Variants in YEATS2 observed in about 807,000 individuals in gnomAD.
The protein encoded by YEATS2 is YEATS domain containing 2, also known as YEATS domain-containing protein 2.
YEATS2 carries 77 observed loss-of-function variants against 163.2 expected under a neutral mutation model. The observed-to-expected ratio is 0.47, with a 90% confidence interval of 0.39 to 0.57. YEATS2 has a LOEUF of 0.57. Among genes scored for constraint, YEATS2 ranks in the 20% least tolerant of loss-of-function variants. The probability of loss-of-function intolerance (pLI) is 0.00; values close to 1 mark genes in which losing one functional copy is unlikely to be tolerated. For synonymous variants in YEATS2, 631 were observed against 645.1 expected (o/e 0.98, Z 0.33); for missense variants, 1,549 against 1,729.8 (o/e 0.90, Z 1.85).
intron 2 of YEATS2, 136 bp downstream of exon 2, chr3:183,715,398 A>G (rs1715738433): frequency 1.6e-6 from 1 of 640,508 alleles, no homozygotes; most frequent in Non-Finnish European, 2.7e-6. Context: ...TAGCTAAGGG[A>G]TCTGTTTAAT....
chr3:183,745,454 C>A (rs974475332), intron 8 of YEATS2, among the ~76,000 whole-genome samples: 1 of 152,014 alleles, frequency 6.6e-6, no homozygotes, highest in Non-Finnish European at 1.5e-5. Flanking sequence ...TGCCTTGGGC[C>A]GTCTTTCCTT....
At chr3:183,746,126 G>C (rs931722599) in intron 8 of YEATS2, among the ~76,000 whole-genome samples, 1 of 152,062 alleles carries the variant, frequency 6.6e-6, no homozygotes, top group South Asian at 2.1e-4. Flanking sequence ...GCAGTGGGGC[G>C]ATCATGGCTC....
At chr3:183,753,564 A>G (rs1285372346) in intron 10 of YEATS2, among the ~76,000 whole-genome samples, 3 of 152,208 alleles carry the variant, frequency 2.0e-5, no homozygotes, top group Admixed American at 6.5e-5. Context: ...CCTGGCCAAC[A>G]TGGCAAAACC....
chr3:183,809,454 G>T (rs891962248), intron 30 of YEATS2: 8 of 268,996 alleles, frequency 3.0e-5, no homozygotes, highest in African/African-American at 1.5e-4. Context: ...TATTAGCTTT[G>T]CAATTAAAGA....
intron 9 of YEATS2, 126 bp from the exon 10 acceptor site, chr3:183,751,947 A>T: frequency 9.9e-7 from 1 of 1,009,514 alleles, no homozygotes; most frequent in South Asian, 1.5e-5. Flanking sequence ...TTCAGATTGA[A>T]ATTGCCTTTG....
chr3:183,763,632 T>A (rs1335358503), intron 15 of YEATS2, among the ~76,000 whole-genome samples: 2 of 152,118 alleles, frequency 1.3e-5, no homozygotes, highest in Admixed American at 6.5e-5. Context: ...AATGACAAAG[T>A]GTTTAAAGTC....
At position 183,806,880 on chromosome 3, in the gene YEATS2, T is replaced by C; in HGVS notation, c.3799T>C (p.Phe1267Leu). 6.2e-7 allele frequency: 1 copy of C among 1,613,962 alleles called. No individual in the cohort carries two copies. Among genetic ancestry groups the C allele is most frequent in the East Asian group, 2.2e-5 (1 of 44,880 alleles). The change falls in exon 28 of 31, where the codon TTC becomes CTC. Residue 1267 changes from phenylalanine to leucine, a missense_variant. Coordinates refer to ENST00000305135, the MANE Select transcript of YEATS2 (RefSeq NM_018023.5). ...IDSEPECPSS[F>L]SSADNLCRKL... ...CTGTCATTTAGAGTGCCCATCATCATTCTCCTCTGCTGACAACCTCTGCCG... is the reference window on the plus strand; with the variant it reads ...CTGTCATTTAGAGTGCCCATCATCACTCTCCTCTGCTGACAACCTCTGCCG...
Position 183,754,281 on chromosome 3 carries a change from A to G in YEATS2, c.1306A>G (p.Ile436Val), listed in dbSNP as rs1222740725. 2.5e-6 allele frequency: 4 copies of G among 1,614,046 alleles called. No homozygotes were observed. Among genetic ancestry groups the G allele is most frequent in the Non-Finnish European group, 3.4e-6 (4 of 1,180,024 alleles). Residue 436 changes from isoleucine (I) to valine (V), a missense_variant, in exon 11 of 31, where the codon ATT becomes GTT. Ile to Val is a conservative substitution (Grantham distance 29). Coordinates refer to ENST00000305135, the MANE Select transcript of YEATS2 (RefSeq NM_018023.5). ...CCAGCCAATAGCATCAAGCTGCAAAATTGTTCCACAAAGTCAGGTTCCTAA... is the reference window on the plus strand; with the variant it reads ...CCAGCCAATAGCATCAAGCTGCAAAGTTGTTCCACAAAGTCAGGTTCCTAA... ...AFQPIASSCKIVPQSQVPNPE... is the reference protein window; with the variant it reads ...AFQPIASSCKVVPQSQVPNPE...
In YEATS2 at chr3:183,801,571, T is replaced by G. The variant is rs1468167193; in HGVS notation, c.3502+43T>G. On this transcript the variant is annotated intron_variant, in intron 25 of 30. Coordinates refer to ENST00000305135, the MANE Select transcript of YEATS2 (RefSeq NM_018023.5). ...AATATAGGGGTGCATTTTTGAAAGCTGTGAACTTAAGGTATTGAGTCAACT... is the reference window on the plus strand; with the variant it reads ...AATATAGGGGTGCATTTTTGAAAGCGGTGAACTTAAGGTATTGAGTCAACT... The G allele has an allele frequency of 3.4e-6, 5 of 1,478,490 alleles. No homozygotes were observed. The Admixed American group carries it at 9.9e-5, about 29-fold the overall frequency. The allele number at this position is 1,478,490 out of a possible 1,614,324, so 91.6% of individuals were successfully genotyped here.
At chr3:183,773,009 T>C (rs1722638370) in intron 16 of YEATS2, among the ~76,000 whole-genome samples, 1 of 152,170 alleles carries the variant, frequency 6.6e-6, no homozygotes, top group African/African-American at 2.4e-5. Flanking sequence ...GTAATAACAA[T>C]GTATATGCTA....
chr3:183,803,378 C>A, intron 26 of YEATS2, 43 bp downstream of exon 26: 1 of 1,554,170 alleles, frequency 6.4e-7, no homozygotes, highest in Non-Finnish European at 8.8e-7. Flanking sequence ...CTCCAGAAAC[C>A]TTGTCTTATG....
chr3:183,810,256 T>C (rs1726661191), intron 30 of YEATS2: 1 of 483,040 alleles, frequency 2.1e-6, no homozygotes, highest in South Asian at 2.5e-5. Flanking sequence ...TCTCAGAATC[T>C]TTTTTCCTAA....
rs529139934 is a variant in YEATS2, at chr3:183,729,897, C to G, written c.812+1046C>G. Among the ~76,000 whole-genome samples, 3 of 151,750 alleles carry G rather than the reference C, an allele frequency of 2.0e-5. No homozygotes were observed. In the South Asian group the frequency reaches 6.3e-4, roughly 32 times the overall value. ...TAGAGACGGGCTTTCACCATGTTGGCCAGGCTGGTCTCGAACTCCTGACCT... is the reference window on the plus strand; with the variant it reads ...TAGAGACGGGCTTTCACCATGTTGGGCAGGCTGGTCTCGAACTCCTGACCT... On this transcript the variant is annotated intron_variant, in intron 7 of 30. Transcript: ENST00000305135.
At chr3:183,793,022 C>G in intron 21 of YEATS2, 1 of 735,026 alleles carries the variant, frequency 1.4e-6, no homozygotes, top group South Asian at 1.9e-5. Flanking sequence ...TTTCTATAAT[C>G]TGGTATAGAC....
At chr3:183,765,382 G>A (rs894492171) in intron 15 of YEATS2, among the ~76,000 whole-genome samples, 3 of 152,160 alleles carry the variant, frequency 2.0e-5, no homozygotes, top group African/African-American at 7.2e-5. Context: ...CTGAACAACT[G>A]TACTGACTTG....
chr3:183,732,421 C>G (rs1022084993), intron 7 of YEATS2, among the ~76,000 whole-genome samples: 15 of 149,630 alleles, frequency 1.0e-4, no homozygotes, highest in African/African-American at 3.4e-4. Flanking sequence ...CCACTGCACT[C>G]CAGCCTAGGT....
At chr3:183,776,682 G>A (rs1299074546) in intron 18 of YEATS2, among the ~76,000 whole-genome samples, 9 of 152,198 alleles carry the variant, frequency 5.9e-5, no homozygotes, top group East Asian at 1.9e-4. Context: ...AGCCAGGCAC[G>A]GTGGCTCACG....
chr3:183,706,594 A>G (rs1714640771), intron 1 of YEATS2, among the ~76,000 whole-genome samples: 1 of 152,220 alleles, frequency 6.6e-6, no homozygotes, highest in African/African-American at 2.4e-5. Flanking sequence ...AGACGGGCAG[A>G]TCACCTGAGA....
Position 183,702,724 on chromosome 3 carries a change from A to G in YEATS2, c.-20+4731A>G, listed in dbSNP as rs183035674. 1.9e-3 allele frequency among the ~76,000 whole-genome samples: 290 copies of G among 149,618 alleles called. 2 individuals are homozygous for G. The highest frequency in any genetic ancestry group is 3.3e-4 in the Non-Finnish European group (22 of 67,548). ...GTGGTGTGCGCCTGTAGTCACAGCT[A>G]CTCGGAGGCTGAGACAGGAGAATTT... On this transcript the variant is annotated intron_variant, in intron 1 of 30. Coordinates refer to ENST00000305135, the MANE Select transcript of YEATS2 (RefSeq NM_018023.5).
Sources: allele counts gnomAD v4.1 joint callset (sites outside exome capture counted in the v4.1 genomes callset), GRCh38; gene constraint gnomAD v4.1.1; transcripts MANE v1.5; gene names NCBI Gene and HGNC (gene_info 2026-07-23, HGNC 2026-07-21).